Variants in STXBP5L observed in about 807,000 individuals in gnomAD.
STXBP5L encodes the protein syntaxin-binding protein 5-like.
Under a neutral mutation model 144.5 loss-of-function variants are expected in STXBP5L, and 65 were observed. That is an observed-to-expected ratio of 0.45 (90% CI 0.37 to 0.55). The LOEUF (loss-of-function observed/expected upper bound fraction) is 0.55, where lower values mean the gene tolerates loss of function less well. Ranked by LOEUF, STXBP5L falls within the 20% of genes least tolerant of loss-of-function variation. STXBP5L has a pLI of 0.00. For missense variants in STXBP5L, 1,298 were observed against 1,405.5 expected (o/e 0.92, Z 1.22); for synonymous variants, 505 against 469.6 (o/e 1.08, Z -0.97).
rs1273504740 is a variant in STXBP5L at position 121,313,613 on chromosome 3, C to CG, written c.2111-4862_2111-4861insG. 3.2e-3 allele frequency among the ~76,000 whole-genome samples: 303 copies of CG among 95,352 alleles called. 9 individuals carry two copies. Among genetic ancestry groups the CG allele is most frequent in the Middle Eastern group, 0.013 (2 of 154 alleles). 62.6% of individuals were successfully genotyped at this position (95,352 alleles called of 152,430 possible). On this transcript the variant is annotated intron_variant, in intron 19 of 26. Coordinates refer to ENST00000471454, the MANE Select transcript of STXBP5L (RefSeq NM_001308330.2). ...GGACGGGGCGGCTGGCCGACCCCCC[C>CG]CCCCGCCTCCCTCCCGGACGGGGCG...
At chr3:121,348,479 G>A (rs1050662120) in intron 20 of STXBP5L, among the ~76,000 whole-genome samples, 53 of 152,254 alleles carry the variant, frequency 3.5e-4, no homozygotes, top group South Asian at 6.2e-4. Flanking sequence ...CATAAAATGA[G>A]TTAGGGAGGA....
chr3:121,153,533 T>A (rs938992681), intron 8 of STXBP5L, among the ~76,000 whole-genome samples: 48 of 151,968 alleles, frequency 3.2e-4, no homozygotes, highest in Non-Finnish European at 8.8e-5. Flanking sequence ...AACACTTCCT[T>A]ATTTTATCAT....
chr3:121,171,774 G>T (rs531576436), intron 9 of STXBP5L, among the ~76,000 whole-genome samples: 1 of 152,292 alleles, frequency 6.6e-6, no homozygotes, highest in South Asian at 2.1e-4. Context: ...TGGCCATACT[G>T]CCCAAAGTAA....
intron 22 of STXBP5L, among the ~76,000 whole-genome samples, chr3:121,388,384 C>G (rs145082375): frequency 6.6e-6 from 1 of 152,036 alleles, no homozygotes; most frequent in Non-Finnish European, 1.5e-5. Flanking sequence ...TTGAATACCC[C>G]CTATTTCTTT....
intron 5 of STXBP5L, among the ~76,000 whole-genome samples, chr3:121,102,189 T>C (rs2043462241): frequency 6.6e-6 from 1 of 152,148 alleles, no homozygotes; most frequent in Non-Finnish European, 1.5e-5. Flanking sequence ...AGAGTCATTC[T>C]TTACAGAATT....
At chr3:121,111,441 G>A (rs2043982834) in intron 5 of STXBP5L, among the ~76,000 whole-genome samples, 1 of 152,154 alleles carries the variant, frequency 6.6e-6, no homozygotes, top group Admixed American at 6.5e-5. Flanking sequence ...TTTTGTTAAT[G>A]TTGTTGCTGC....
chr3:121,093,511 G>A (rs1003562561), intron 5 of STXBP5L, among the ~76,000 whole-genome samples: 3 of 152,204 alleles, frequency 2.0e-5, no homozygotes, highest in South Asian at 4.1e-4. Context: ...GAGGGTATAT[G>A]TGTCGAGGAA....
intron 15 of STXBP5L, among the ~76,000 whole-genome samples, chr3:121,252,368 A>G (rs1426612299): frequency 7.1e-6 from 1 of 140,856 alleles, no homozygotes; most frequent in Non-Finnish European, 1.6e-5. Flanking sequence ...TCCATCTCCA[A>G]AAAGAAAAAT....
intron 5 of STXBP5L, among the ~76,000 whole-genome samples, chr3:121,064,776 G>C (rs1230155144): frequency 6.6e-6 from 1 of 152,184 alleles, no homozygotes; most frequent in African/African-American, 2.4e-5. Flanking sequence ...GCATGGGCAT[G>C]TTTAATGTTT....
chr3:121,011,830 A>AT (rs1944795935), intron 3 of STXBP5L, among the ~76,000 whole-genome samples: 1 of 151,776 alleles, frequency 6.6e-6, no homozygotes, highest in African/African-American at 2.4e-5. Flanking sequence ...CTACCACATA[A>AT]TTTAATCATT....
chr3:121,219,881 T>G (rs2048921659), intron 10 of STXBP5L, among the ~76,000 whole-genome samples: 2 of 152,178 alleles, frequency 1.3e-5, no homozygotes, highest in Admixed American at 1.3e-4. Flanking sequence ...CAATATATGT[T>G]AGCATTTAAT....
At chr3:121,032,509 G>A (rs1008805834) in intron 3 of STXBP5L, among the ~76,000 whole-genome samples, 4 of 151,446 alleles carry the variant, frequency 2.6e-5, no homozygotes, top group Non-Finnish European at 5.9e-5. Flanking sequence ...ACATAGGCAC[G>A]GGCAAGGACT....
intron 5 of STXBP5L, among the ~76,000 whole-genome samples, chr3:121,045,923 T>C (rs1245127969): frequency 6.6e-6 from 1 of 152,116 alleles, no homozygotes; most frequent in African/African-American, 2.4e-5. Flanking sequence ...TGGTGAGAGA[T>C]GGCATCCTTG....
intron 23 of STXBP5L, among the ~76,000 whole-genome samples, chr3:121,412,876 A>C (rs1309124296): frequency 6.6e-6 from 1 of 151,996 alleles, no homozygotes; most frequent in East Asian, 1.9e-4. Flanking sequence ...TCTACTAAAA[A>C]TACAAAAATT....
At chr3:121,333,086 C>A (rs2044379631) in intron 20 of STXBP5L, among the ~76,000 whole-genome samples, 5 of 151,996 alleles carry the variant, frequency 3.3e-5, no homozygotes, top group Admixed American at 2.6e-4. Flanking sequence ...TAAAAGGGGG[C>A]AAAATCTTGA....
At chr3:121,109,231 G>A (rs796864981) in intron 5 of STXBP5L, among the ~76,000 whole-genome samples, 3 of 151,786 alleles carry the variant, frequency 2.0e-5, no homozygotes, top group Non-Finnish European at 2.9e-5. Flanking sequence ...TGTCTCTATC[G>A]CCTTCAGTTC....
intron 19 of STXBP5L, among the ~76,000 whole-genome samples, chr3:121,298,402 T>A (rs893399387): frequency 3.3e-5 from 5 of 152,204 alleles, no homozygotes; most frequent in Non-Finnish European, 7.3e-5. Flanking sequence ...AAAACCTTCA[T>A]AACATTGGTC....
chr3:121,003,473 T>C (rs557237791), intron 3 of STXBP5L, among the ~76,000 whole-genome samples: 3 of 152,228 alleles, frequency 2.0e-5, no homozygotes, highest in Non-Finnish European at 4.4e-5. Flanking sequence ...GATGAGTAGA[T>C]TGCAAAAATT....
chr3:121,332,902 G>T (rs1380098044), intron 20 of STXBP5L, among the ~76,000 whole-genome samples: 1 of 151,898 alleles, frequency 6.6e-6, no homozygotes, highest in Non-Finnish European at 1.5e-5. Flanking sequence ...AGGAAAACCA[G>T]AAGGGATTCA....
Sources: allele counts gnomAD v4.1 joint callset (sites outside exome capture counted in the v4.1 genomes callset), GRCh38; gene constraint gnomAD v4.1.1; transcripts MANE v1.5; gene names NCBI Gene and HGNC (gene_info 2026-07-23, HGNC 2026-07-21).